PIWIL3: variants seen among roughly 807,000 people sequenced by gnomAD.
The protein encoded by PIWIL3 is piwi like RNA-mediated gene silencing 3.
Under a neutral mutation model 109.7 loss-of-function variants are expected in PIWIL3, and 101 were observed. The observed-to-expected ratio is 0.92, with a 90% CI of 0.78 to 1.09. The LOEUF (loss-of-function observed/expected upper bound fraction) is 1.09, where lower values mean the gene tolerates loss of function less well. Ranked by LOEUF, PIWIL3 falls within the 50% of genes least tolerant of loss-of-function variation. The pLI is 0.00. For missense variants in PIWIL3, 1,031 were observed against 1,072.6 expected (o/e 0.96, Z 0.54); for synonymous variants, 373 against 376.4 (o/e 0.99, Z 0.10).
chr22:24,732,130 C>A (rs892225949), intron 14 of PIWIL3, among the ~76,000 whole-genome samples: 1 of 152,202 alleles, frequency 6.6e-6, no homozygotes, highest in Non-Finnish European at 1.5e-5. Flanking sequence ...ATTTTAGGTA[C>A]AACATAAATA....
chr22:24,758,427 T>C (rs544543152), intron 3 of PIWIL3, among the ~76,000 whole-genome samples: 2 of 152,358 alleles, frequency 1.3e-5, no homozygotes, highest in South Asian at 2.1e-4. Context: ...AACTGGCTTT[T>C]AATACAAAAC....
chr22:24,742,833 G>T (rs1012510355), intron 12 of PIWIL3, among the ~76,000 whole-genome samples: 54 of 152,190 alleles, frequency 3.5e-4, no homozygotes, highest in African/African-American at 1.2e-3. Context: ...CTAGACATTG[G>T]CTTGGGCAAA....
chr22:24,741,237 A>G (rs549255084), intron 12 of PIWIL3, among the ~76,000 whole-genome samples: 1 of 152,222 alleles, frequency 6.6e-6, no homozygotes, highest in Non-Finnish European at 1.5e-5. Flanking sequence ...CCTCATGGCC[A>G]GGCGCGGTGG....
chr22:24,729,329 A>T (rs1413655847), intron 14 of PIWIL3, among the ~76,000 whole-genome samples: 1 of 152,058 alleles, frequency 6.6e-6, no homozygotes, highest in African/African-American at 2.4e-5. Flanking sequence ...TGAAACAGAG[A>T]GCTCGGATAA....
intron 1 of PIWIL3, among the ~76,000 whole-genome samples, chr22:24,767,720 CCAAAATTAAAAA>C (rs1053603957): frequency 1.3e-5 from 2 of 151,968 alleles, no homozygotes; most frequent in Non-Finnish European, 2.9e-5. Context: ...CGAAAATTTT[CCAAAATTAAAAA>C]CAGAATTAAA....
chr22:24,744,205 A>AAAAC (rs1569103676), intron 12 of PIWIL3, among the ~76,000 whole-genome samples: 1 of 148,084 alleles, frequency 6.8e-6, no homozygotes, highest in African/African-American at 2.5e-5. Flanking sequence ...AAAAAAAAAA[A>AAAAC]AACAATGATC....
intron 16 of PIWIL3, among the ~76,000 whole-genome samples, chr22:24,726,394 T>C (rs1441059342): frequency 6.6e-6 from 1 of 151,992 alleles, no homozygotes; most frequent in Non-Finnish European, 1.5e-5. Context: ...GCCATTCTCC[T>C]ACCTCAGCCT....
intron 1 of PIWIL3, among the ~76,000 whole-genome samples, chr22:24,764,701 G>A (rs9620434): frequency 0.21 from 30,465 of 144,452 alleles, 3,375 homozygotes; most frequent in Admixed American, 0.32. Context: ...TGCCCAGGCT[G>A]GAGTGCAACA....
At chr22:24,722,587 C>T (rs1359373923) in intron 19 of PIWIL3, among the ~76,000 whole-genome samples, 1 of 151,998 alleles carries the variant, frequency 6.6e-6, no homozygotes, top group African/African-American at 2.4e-5. Flanking sequence ...GTGGTAGGCA[C>T]CTGTAAGCCC....
intron 1 of PIWIL3, among the ~76,000 whole-genome samples, chr22:24,772,484 T>G (rs1488663101): frequency 6.6e-6 from 1 of 152,204 alleles, no homozygotes; most frequent in Non-Finnish European, 1.5e-5. Flanking sequence ...ATGTTGGGTA[T>G]TGAAAACTTA....
chr22:24,723,521 G>A (rs1009121935), intron 18 of PIWIL3, among the ~76,000 whole-genome samples: 8 of 152,222 alleles, frequency 5.3e-5, no homozygotes, highest in Middle Eastern at 6.8e-3. Flanking sequence ...GCTGAGCAGC[G>A]GGCTCTCAAC....
At chr22:24,736,548 G>C (rs1366623569) in intron 12 of PIWIL3, among the ~76,000 whole-genome samples, 5 of 151,962 alleles carry the variant, frequency 3.3e-5, no homozygotes, top group Non-Finnish European at 1.5e-5. Context: ...CAAATAGAGG[G>C]CTCCACTGAT....
intron 1 of PIWIL3, among the ~76,000 whole-genome samples, chr22:24,772,741 T>G (rs915258375): frequency 3.9e-5 from 6 of 152,164 alleles, no homozygotes; most frequent in African/African-American, 1.4e-4. Context: ...CACAGCAGCA[T>G]CTAGTGGACT....
intron 12 of PIWIL3, among the ~76,000 whole-genome samples, chr22:24,736,538 CAA>C (rs1923666025): frequency 6.6e-6 from 1 of 152,012 alleles, no homozygotes; most frequent in Non-Finnish European, 1.5e-5. Flanking sequence ...GTAAGATGGC[CAA>C]ATAGAGGGCT....
intron 5 of PIWIL3, among the ~76,000 whole-genome samples, chr22:24,756,242 G>A (rs558601016): frequency 1.4e-5 from 2 of 147,702 alleles, no homozygotes; most frequent in Non-Finnish European, 3.0e-5. Flanking sequence ...AAAAAAAAAA[G>A]TATCCAAACT....
intron 12 of PIWIL3, among the ~76,000 whole-genome samples, chr22:24,737,508 T>TCC (rs1923727362): frequency 6.6e-6 from 1 of 152,122 alleles, no homozygotes; most frequent in African/African-American, 2.4e-5. Context: ...ACCAGCATAT[T>TCC]CCCAGCTGTT....
intron 9 of PIWIL3, among the ~76,000 whole-genome samples, chr22:24,751,038 T>G (rs1260446807): frequency 1.3e-5 from 2 of 151,572 alleles, no homozygotes; most frequent in Non-Finnish European, 2.9e-5. Context: ...GCAGGAAAAT[T>G]GCTTGAACCT....
intron 17 of PIWIL3, 121 bp from the exon 18 acceptor site, chr22:24,725,158 A>C (rs1922916254): frequency 8.3e-7 from 1 of 1,205,246 alleles, no homozygotes; most frequent in Admixed American, 2.3e-5. Flanking sequence ...TTTACTGCTT[A>C]AGTCCTGTCT....
chr22:24,743,430 T>C (rs992242903), intron 12 of PIWIL3, among the ~76,000 whole-genome samples: 5 of 152,210 alleles, frequency 3.3e-5, no homozygotes, highest in African/African-American at 9.6e-5. Flanking sequence ...CACAAAAATA[T>C]AGAACCATCC....
Sources: allele counts gnomAD v4.1 joint callset (sites outside exome capture counted in the v4.1 genomes callset), GRCh38; gene constraint gnomAD v4.1.1; transcripts MANE v1.5; gene names NCBI Gene and HGNC (gene_info 2026-07-23, HGNC 2026-07-21).